The following GSTCD variants were observed in gnomAD, a reference collection of about 807,000 sequenced individuals.
The protein encoded by GSTCD is glutathione S-transferase C-terminal domain containing, also known as glutathione S-transferase C-terminal domain-containing protein.
A neutral mutation model predicts 68.3 loss-of-function variants in GSTCD; 44 were observed. That is an observed-to-expected ratio of 0.64 (90% CI 0.51 to 0.83). The LOEUF is 0.83. Ranked by LOEUF, GSTCD falls within the 40% of genes least tolerant of loss-of-function variation. GSTCD has a pLI of 0.00. For missense variants in GSTCD, 739 were observed against 735.9 expected, an observed-to-expected ratio of 1.00 and a Z score of -0.05; for synonymous variants, 273 against 255.2, an observed-to-expected ratio of 1.07 and a Z score of -0.67.
chr4:105,735,533 A>AT (rs1200489161), intron 5 of GSTCD, among the ~76,000 whole-genome samples: 1 of 152,174 alleles, frequency 6.6e-6, no homozygotes, highest in Non-Finnish European at 1.5e-5. Flanking sequence ...AAAGCACTGT[A>AT]TTAGGGTGGG....
chr4:105,824,089 G>T (rs1298933721), intron 7 of GSTCD, among the ~76,000 whole-genome samples: 1 of 152,006 alleles, frequency 6.6e-6, no homozygotes, highest in African/African-American at 2.4e-5. Context: ...GTCTTTGCTT[G>T]TGAGCTCTCT....
At chr4:105,747,684 G>C (rs1342401353) in intron 5 of GSTCD, among the ~76,000 whole-genome samples, 2 of 152,036 alleles carry the variant, frequency 1.3e-5, no homozygotes, top group Non-Finnish European at 2.9e-5. Flanking sequence ...TTTTAGACCA[G>C]TTATACTGAC....
At chr4:105,734,474 C>T (rs548087250) in intron 5 of GSTCD, among the ~76,000 whole-genome samples, 9 of 152,288 alleles carry the variant, frequency 5.9e-5, no homozygotes, top group South Asian at 4.1e-4. Context: ...TCCATTTTAT[C>T]GAATCAGCTA....
At position 105,762,655 on chromosome 4, in the gene GSTCD, G is replaced by A. The variant is rs577314906; in HGVS notation, c.1240+33156G>A. Among the ~76,000 whole-genome samples, 6 of 152,218 alleles carry A rather than the reference G, an allele frequency of 3.9e-5. No individual in the cohort carries two copies. In the South Asian group the frequency reaches 1.2e-3, roughly 32 times the overall value. On this transcript the variant is annotated intron_variant, in intron 5 of 11. Coordinates refer to ENST00000515279, the MANE Select transcript of GSTCD (RefSeq NM_001370181.1). Reference sequence around the variant, plus strand: ...CTATTTACAGTGACTGGTTTCTATTGATGAACTTTTTGCTTCTTTTATTTA... The same window carrying A: ...CTATTTACAGTGACTGGTTTCTATTAATGAACTTTTTGCTTCTTTTATTTA...
At chr4:105,784,888 C>T (rs1735405418) in intron 5 of GSTCD, among the ~76,000 whole-genome samples, 1 of 152,156 alleles carries the variant, frequency 6.6e-6, no homozygotes, top group Admixed American at 6.6e-5. Context: ...TGGAGCACTT[C>T]CTTGATTTCT....
intron 5 of GSTCD, among the ~76,000 whole-genome samples, chr4:105,739,629 G>C (rs544741366): frequency 6.6e-6 from 1 of 152,130 alleles, no homozygotes; most frequent in African/African-American, 2.4e-5. Flanking sequence ...ACTGTTTTTC[G>C]AAGAGACTGT....
chr4:105,832,040 T>A (rs1723918142), intron 8 of GSTCD, among the ~76,000 whole-genome samples: 1 of 152,224 alleles, frequency 6.6e-6, no homozygotes, highest in Non-Finnish European at 1.5e-5. Flanking sequence ...TACTTCCCAT[T>A]CCCCTTGGTT....
chr4:105,758,214 T>G (rs534817026), intron 5 of GSTCD, among the ~76,000 whole-genome samples: 3 of 152,356 alleles, frequency 2.0e-5, no homozygotes, highest in Non-Finnish European at 4.4e-5. Flanking sequence ...AACTTATCAT[T>G]ATCGCAGATA....
intron 8 of GSTCD, 141 bp downstream of exon 8, chr4:105,825,941 A>G (rs2149277846): frequency 4.3e-6 from 2 of 462,184 alleles, no homozygotes; most frequent in East Asian, 3.9e-5. Context: ...TATGAAATAT[A>G]GCATATTAAT....
intron 5 of GSTCD, among the ~76,000 whole-genome samples, chr4:105,813,005 A>G (rs866162501): frequency 2.8e-4 from 42 of 152,200 alleles, no homozygotes; most frequent in African/African-American, 7.7e-4. Flanking sequence ...TATTTTACTA[A>G]TAAAGGATTT....
chr4:105,757,499 A>T (rs1734239067), intron 5 of GSTCD, among the ~76,000 whole-genome samples: 1 of 152,184 alleles, frequency 6.6e-6, no homozygotes, highest in Non-Finnish European at 1.5e-5. Flanking sequence ...TCTGGAAATC[A>T]TTGGTCAAAA....
intron 4 of GSTCD, 150 bp downstream of exon 4, chr4:105,726,980 ACTC>A: frequency 1.6e-6 from 1 of 634,430 alleles, no homozygotes; most frequent in South Asian, 2.7e-5. Flanking sequence ...TATTTCTGCT[ACTC>A]TTTTCATTTA....
At chr4:105,813,267 A>C (rs1310446602) in intron 5 of GSTCD, among the ~76,000 whole-genome samples, 1 of 152,228 alleles carries the variant, frequency 6.6e-6, no homozygotes, top group Non-Finnish European at 1.5e-5. Context: ...GCAAATAAGA[A>C]TATCCATTCA....
chr4:105,833,795 G>A (rs757977127), intron 8 of GSTCD, among the ~76,000 whole-genome samples: 71 of 151,952 alleles, frequency 4.7e-4, no homozygotes, highest in Non-Finnish European at 7.9e-4. Flanking sequence ...CTTAAAAATC[G>A]TTTTGAGTTA....
chr4:105,745,870 T>C (rs1578430608), intron 5 of GSTCD, among the ~76,000 whole-genome samples: 1 of 152,346 alleles, frequency 6.6e-6, no homozygotes, highest in African/African-American at 2.4e-5. Flanking sequence ...TGTTCACATA[T>C]TTGATGTCTT....
rs796973406 is a variant in GSTCD at position 105,754,625 on chromosome 4, T to G, written c.1240+25126T>G. The stretch of plus-strand genomic sequence containing the variant: ...TTCTAAAACTAGGGCAAAGTCTTAA[T>G]TCCCAGGACAACTCCTTATCTTAAA... On this transcript the variant is annotated intron_variant, in intron 5 of 11. Transcript: ENST00000515279. Among the ~76,000 whole-genome samples, 4 of 152,302 alleles carry G rather than the reference T, an allele frequency of 2.6e-5. No individual in the cohort carries two copies. In the South Asian group the frequency reaches 8.3e-4, roughly 32 times the overall value.
chr4:105,792,591 A>G (rs1735720675), intron 5 of GSTCD, among the ~76,000 whole-genome samples: 2 of 152,078 alleles, frequency 1.3e-5, no homozygotes, highest in South Asian at 4.1e-4. Flanking sequence ...TAAACAAATC[A>G]AGAACCTTTA....
At chr4:105,769,498 G>T (rs928551600) in intron 5 of GSTCD, among the ~76,000 whole-genome samples, 1 of 152,038 alleles carries the variant, frequency 6.6e-6, no homozygotes, top group Non-Finnish European at 1.5e-5. Flanking sequence ...TCCTCCCCAG[G>T]TTTTTATTCC....
intron 5 of GSTCD, among the ~76,000 whole-genome samples, chr4:105,781,231 C>T (rs1735260038): frequency 6.6e-6 from 1 of 151,968 alleles, no homozygotes; most frequent in Admixed American, 6.6e-5. Context: ...TCTCTTTGAA[C>T]TTACTAAATT....
Sources: allele counts gnomAD v4.1 joint callset (sites outside exome capture counted in the v4.1 genomes callset), GRCh38; gene constraint gnomAD v4.1.1; transcripts MANE v1.5; gene names NCBI Gene and HGNC (gene_info 2026-07-23, HGNC 2026-07-21).